Variants in CALCR observed in about 807,000 individuals in gnomAD.
CALCR encodes calcitonin receptor.
In CALCR, 47 loss-of-function variants were observed where a neutral mutation model predicts 59.5. The ratio of observed to expected loss-of-function variants is 0.79; its 90% CI spans 0.63 to 1.01. CALCR has a LOEUF of 1.01. Ranked by LOEUF, CALCR falls within the 50% of genes least tolerant of loss-of-function variation. The pLI, the probability that CALCR is intolerant of heterozygous loss-of-function variation, is 0.00. For missense variants in CALCR, 566 were observed against 597.1 expected (o/e 0.95, Z 0.54); for synonymous variants, 213 against 211.3 (o/e 1.01, Z -0.07).
At position 93,554,769 on chromosome 7, in the gene CALCR, GTATATA is replaced by G. The variant is rs55879216; in HGVS notation, c.-27+19514_-27+19519del. Among the ~76,000 whole-genome samples, 26 of 117,198 alleles carry G rather than the reference GTATATA, an allele frequency of 2.2e-4. No homozygotes were observed. In the Middle Eastern group the frequency reaches 0.02, roughly 92 times the overall value. The allele number at this position is 117,198 out of a possible 152,430, so 76.9% of individuals were successfully genotyped here. A position where few individuals can be genotyped will look rare whatever the true frequency, so the allele number is the denominator to read the frequency against. ...ATAGATGTTCAAATTGCCAGGCCAT[GTATATA>G]TATATATATATATATATTATACGTA... On this transcript the variant is annotated intron_variant, in intron 2 of 13. Coordinates refer to ENST00000426151, the MANE Select transcript of CALCR (RefSeq NM_001742.4).
At chr7:93,504,252 GA>G (rs1354237911) in intron 2 of CALCR, among the ~76,000 whole-genome samples, 2 of 152,012 alleles carry the variant, frequency 1.3e-5, no homozygotes, top group East Asian at 3.9e-4. Context: ...CCCCAACAGG[GA>G]AAAAAACCAA....
At chr7:93,431,178 C>T (rs1333144866) in intron 13 of CALCR, among the ~76,000 whole-genome samples, 2 of 152,166 alleles carry the variant, frequency 1.3e-5, no homozygotes, top group African/African-American at 4.8e-5. Flanking sequence ...TTGCATTTCC[C>T]TTCGTGGTGG....
intron 5 of CALCR, among the ~76,000 whole-genome samples, chr7:93,476,577 C>T (rs756856813): frequency 3.3e-5 from 5 of 151,776 alleles, no homozygotes; most frequent in Non-Finnish European, 7.4e-5. Flanking sequence ...AAAGATGGAT[C>T]GATGCCTGTA....
chr7:93,542,673 C>T (rs532009068), intron 2 of CALCR, among the ~76,000 whole-genome samples: 1 of 151,834 alleles, frequency 6.6e-6, no homozygotes, highest in African/African-American at 2.4e-5. Context: ...CAGCTTAAAA[C>T]ACAAATTGTA....
chr7:93,569,294 T>A (rs1429607272), intron 2 of CALCR, among the ~76,000 whole-genome samples: 1 of 152,160 alleles, frequency 6.6e-6, no homozygotes, highest in African/African-American at 2.4e-5. Context: ...ATCTTCCTGA[T>A]AAAATGCAAA....
chr7:93,514,892 T>C (rs1801618174), intron 2 of CALCR, among the ~76,000 whole-genome samples: 1 of 152,024 alleles, frequency 6.6e-6, no homozygotes, highest in African/African-American at 2.4e-5. Context: ...ATCTAGGTTA[T>C]TTAGAAATAC....
chr7:93,544,245 A>G (rs1789224434), intron 2 of CALCR, among the ~76,000 whole-genome samples: 1 of 152,140 alleles, frequency 6.6e-6, no homozygotes, highest in Admixed American at 6.5e-5. Context: ...TATTAATAAA[A>G]TGGAAGAAGG....
intron 2 of CALCR, among the ~76,000 whole-genome samples, chr7:93,530,448 A>C (rs1788802152): frequency 6.6e-6 from 1 of 152,158 alleles, no homozygotes; most frequent in Admixed American, 6.6e-5. Flanking sequence ...TCACTCAATC[A>C]TAACACTCAA....
chr7:93,468,824 AAACAAAC>A lies in CALCR; in HGVS notation c.430-25_430-19del, dbSNP rs1392598844. On this transcript the variant is annotated intron_variant, in intron 6 of 13. Coordinates refer to ENST00000426151, the MANE Select transcript of CALCR (RefSeq NM_001742.4). ...TATGCATTCTGGAACAACAAAAAGT[AAACAAAC>A]AAACAATGAATGAATGATTCATCAG... is the stretch of plus-strand genomic sequence containing the variant. 2 of 1,152,924 alleles carry A rather than the reference AAACAAAC, an allele frequency of 1.7e-6. No homozygotes were observed. The highest frequency in any genetic ancestry group is 2.4e-6 in the Non-Finnish European group (2 of 828,646). The allele number at this position is 1,152,924 out of a possible 1,614,324, so 71.4% of individuals were successfully genotyped here.
chr7:93,531,004 C>T (rs1018275794), intron 2 of CALCR, among the ~76,000 whole-genome samples: 2 of 151,780 alleles, frequency 1.3e-5, no homozygotes, highest in Non-Finnish European at 2.9e-5. Context: ...CAGATGATTC[C>T]CATGTAAACA....
intron 2 of CALCR, among the ~76,000 whole-genome samples, chr7:93,548,874 G>C (rs1407378129): frequency 1.3e-5 from 1 of 75,778 alleles, no homozygotes; most frequent in East Asian, 4.0e-4. Flanking sequence ...GTGTGTGTGT[G>C]TGTGTCTGTG....
Position 93,434,369 on chromosome 7 carries a change from C to T in CALCR, c.1150-75G>A, listed in dbSNP as rs73419365. On this transcript the variant is annotated intron_variant, in intron 12 of 13. Transcript: ENST00000426151. ...GTTGTTTAGTAAACAATATAATAGA[C>T]TGCCCAGAGAAGGCCTGATGAAAAA... is the stretch of plus-strand genomic sequence containing the variant. The T allele has an allele frequency of 5.0e-3, 4,756 of 951,684 alleles. 151 individuals carry two copies. The African/African-American group carries it at 0.068, about 14-fold the overall frequency. The allele number at this position is 951,684 out of a possible 1,614,324, so 59.0% of individuals were successfully genotyped here. A position where few individuals can be genotyped will look rare whatever the true frequency, so the allele number is the denominator to read the frequency against.
chr7:93,513,511 T>C (rs1801591978), intron 2 of CALCR, among the ~76,000 whole-genome samples: 1 of 152,108 alleles, frequency 6.6e-6, no homozygotes, highest in Non-Finnish European at 1.5e-5. Context: ...TGTTTCTGTA[T>C]GTATTATAAA....
intron 2 of CALCR, among the ~76,000 whole-genome samples, chr7:93,570,971 A>G (rs1789991607): frequency 6.6e-6 from 1 of 152,212 alleles, no homozygotes; most frequent in Non-Finnish European, 1.5e-5. Context: ...CCAATGTTCT[A>G]TCTTCATGAT....
chr7:93,480,010 G>C (rs915051558), intron 3 of CALCR, among the ~76,000 whole-genome samples: 9 of 151,748 alleles, frequency 5.9e-5, no homozygotes, highest in Admixed American at 1.3e-4. Context: ...CTATTCCATG[G>C]AACAAACAAA....
chr7:93,462,488 T>A (rs1278072590), intron 7 of CALCR, among the ~76,000 whole-genome samples: 1 of 152,144 alleles, frequency 6.6e-6, no homozygotes, highest in African/African-American at 2.4e-5. Flanking sequence ...CTGAATAAAC[T>A]TCCATCTGGT....
intron 2 of CALCR, chr7:93,559,680 A>C (rs935559441): frequency 2.0e-5 from 3 of 152,018 alleles, no homozygotes; most frequent in Non-Finnish European, 2.9e-5. Flanking sequence ...TTCTTTGAAG[A>C]AATATTTCGG....
At chr7:93,570,927 A>G (rs1326156452) in intron 2 of CALCR, among the ~76,000 whole-genome samples, 1 of 152,232 alleles carries the variant, frequency 6.6e-6, no homozygotes, top group Non-Finnish European at 1.5e-5. Flanking sequence ...ATTGAGGAAC[A>G]GATACTGATA....
intron 2 of CALCR, among the ~76,000 whole-genome samples, chr7:93,492,561 T>A (rs1801106189): frequency 6.6e-6 from 1 of 151,378 alleles, no homozygotes; most frequent in South Asian, 2.1e-4. Context: ...TCAAGTCCAC[T>A]CAGTAAATTA....
Sources: allele counts gnomAD v4.1 joint callset (sites outside exome capture counted in the v4.1 genomes callset), GRCh38; gene constraint gnomAD v4.1.1; transcripts MANE v1.5; gene names NCBI Gene and HGNC (gene_info 2026-07-23, HGNC 2026-07-21).